PPP1R9A: variants seen among roughly 807,000 people sequenced by gnomAD.
The protein encoded by PPP1R9A is protein phosphatase 1 regulatory subunit 9A.
Under a neutral mutation model 141.9 loss-of-function variants are expected in PPP1R9A, and 59 were observed. The observed-to-expected ratio is 0.42, with a 90% CI of 0.34 to 0.52. The LOEUF (loss-of-function observed/expected upper bound fraction) is 0.52, where lower values mean the gene tolerates loss of function less well. Among genes scored for constraint, PPP1R9A ranks in the 20% least tolerant of loss-of-function variants. The pLI is 0.10. For synonymous variants in PPP1R9A, 500 were observed against 569.7 expected (o/e 0.88, Z 1.74); for missense variants, 1,444 against 1,611.9 (o/e 0.90, Z 1.78).
chr7:94,966,333 G>T (rs1158235557), intron 2 of PPP1R9A, among the ~76,000 whole-genome samples: 1 of 151,718 alleles, frequency 6.6e-6, no homozygotes, highest in African/African-American at 2.4e-5. Flanking sequence ...TTCTGCCCTG[G>T]CCAGAACTTC....
At chr7:95,269,159 A>T (rs936961953) in intron 13 of PPP1R9A, 48 bp from the exon 14 acceptor site, 2 of 1,466,404 alleles carry the variant, frequency 1.4e-6, no homozygotes, top group African/African-American at 2.8e-5. Flanking sequence ...ATTGCATAGA[A>T]CTGATACTCA....
chr7:95,073,253 T>C (rs1203366147), intron 2 of PPP1R9A, among the ~76,000 whole-genome samples: 1 of 151,834 alleles, frequency 6.6e-6, no homozygotes, highest in African/African-American at 2.4e-5. Flanking sequence ...CTCAAAGTGG[T>C]GAGATTACAG....
intron 2 of PPP1R9A, among the ~76,000 whole-genome samples, chr7:95,069,965 C>T (rs1421331478): frequency 1.3e-5 from 2 of 152,142 alleles, no homozygotes; most frequent in African/African-American, 4.8e-5. Flanking sequence ...CTGATCTCTT[C>T]TTACTCTTTG....
intron 2 of PPP1R9A, among the ~76,000 whole-genome samples, chr7:95,009,521 G>C (rs956312507): frequency 4.6e-5 from 7 of 152,122 alleles, no homozygotes; most frequent in African/African-American, 1.7e-4. Context: ...ACCCATCAGA[G>C]ATGCATCCTG....
intron 5 of PPP1R9A, among the ~76,000 whole-genome samples, chr7:95,177,105 G>C (rs1199664507): frequency 6.6e-6 from 1 of 152,118 alleles, no homozygotes; most frequent in Non-Finnish European, 1.5e-5. Context: ...AGAATCTTAA[G>C]AGCTGTGAGA....
chr7:95,260,851 GATC>G (rs1407133833), intron 12 of PPP1R9A, among the ~76,000 whole-genome samples: 2 of 152,086 alleles, frequency 1.3e-5, no homozygotes, highest in Admixed American at 1.3e-4. Flanking sequence ...TATAAGTAAA[GATC>G]ATTTTAACCC....
chr7:95,046,055 A>G (rs1317507076), intron 2 of PPP1R9A, among the ~76,000 whole-genome samples: 1 of 151,492 alleles, frequency 6.6e-6, no homozygotes, highest in Non-Finnish European at 1.5e-5. Flanking sequence ...GTTGAGTATC[A>G]TTAAGATTAG....
chr7:95,268,235 C>T (rs1801605253), intron 12 of PPP1R9A, among the ~76,000 whole-genome samples: 1 of 152,060 alleles, frequency 6.6e-6, no homozygotes, highest in Non-Finnish European at 1.5e-5. Flanking sequence ...TCTAACTTCC[C>T]AACATGCATA....
intron 2 of PPP1R9A, among the ~76,000 whole-genome samples, chr7:95,047,490 C>T (rs1032291743): frequency 3.9e-5 from 6 of 152,150 alleles, no homozygotes; most frequent in African/African-American, 1.4e-4. Context: ...TGTTTATTCA[C>T]AGTAAAGAAT....
At chr7:95,010,639 A>G (rs1370343918) in intron 2 of PPP1R9A, among the ~76,000 whole-genome samples, 2 of 152,150 alleles carry the variant, frequency 1.3e-5, no homozygotes, top group African/African-American at 4.8e-5. Context: ...TGTTAGCAAG[A>G]TGGAGTAGTC....
At chr7:94,938,395 T>C (rs1794990902) in intron 2 of PPP1R9A, among the ~76,000 whole-genome samples, 1 of 152,148 alleles carries the variant, frequency 6.6e-6, no homozygotes, top group Non-Finnish European at 1.5e-5. Flanking sequence ...TTCAGAGATT[T>C]TGGACAATTA....
rs560892622 is a variant in PPP1R9A at position 95,007,853 on chromosome 7, C to G, written c.1395+96345C>G. Among the ~76,000 whole-genome samples, 6 of 152,298 alleles carry G rather than the reference C, an allele frequency of 3.9e-5. No individual in the cohort carries two copies. The South Asian group carries it at 1.2e-3, about 32-fold the overall frequency. On this transcript the variant is annotated intron_variant, in intron 2 of 19. Coordinates refer to ENST00000433360, the MANE Select transcript of PPP1R9A (RefSeq NM_001166160.2). The stretch of plus-strand genomic sequence containing the variant: ...TTGGGAGGCCGAGGCGGGCGGATCA[C>G]CTGAGGTCAGGAGCTCGAGACCAAC...
intron 8 of PPP1R9A, among the ~76,000 whole-genome samples, chr7:95,229,505 A>T (rs887180612): frequency 6.6e-6 from 1 of 151,626 alleles, no homozygotes; most frequent in African/African-American, 2.4e-5. Flanking sequence ...GCTTTCCCCC[A>T]CTTCCCTGGT....
At chr7:94,928,437 G>T (rs1477734614) in intron 2 of PPP1R9A, among the ~76,000 whole-genome samples, 1 of 152,108 alleles carries the variant, frequency 6.6e-6, no homozygotes, top group East Asian at 1.9e-4. Context: ...AGATCCATTG[G>T]TCCCCCATTT....
In PPP1R9A at chr7:94,910,048, G is replaced by C; in HGVS notation, c.-66G>C. On this transcript the variant is annotated 5_prime_UTR_variant, in exon 2 of 20. Coordinates refer to ENST00000433360, the MANE Select transcript of PPP1R9A (RefSeq NM_001166160.2). This position sits in a 1 kb window ranked among gnomAD's most constrained non-coding sequence, Gnocchi z 4.5. ...CAATACTGGTGATTAGAGAAGAGAG[G>C]TATCTTGGTTTTTGGTTTTTTTCTT... The C allele has an allele frequency of 1.5e-6, 2 of 1,362,456 alleles. No individual in the cohort carries two copies. Among genetic ancestry groups the C allele is most frequent in the East Asian group, 2.3e-5 (1 of 43,556 alleles). The allele number at this position is 1,362,456 out of a possible 1,614,324, so 84.4% of individuals were successfully genotyped here.
At chr7:95,005,083 C>G (rs1477082188) in intron 2 of PPP1R9A, among the ~76,000 whole-genome samples, 2 of 152,108 alleles carry the variant, frequency 1.3e-5, no homozygotes, top group East Asian at 3.8e-4. Context: ...GGTTGGGTGC[C>G]AGGCTGCTAG....
intron 8 of PPP1R9A, among the ~76,000 whole-genome samples, chr7:95,237,580 G>C (rs1231335533): frequency 6.6e-6 from 1 of 151,736 alleles, no homozygotes; most frequent in Admixed American, 6.6e-5. Context: ...TTGTCTATTT[G>C]ATCTACCAAA....
intron 2 of PPP1R9A, among the ~76,000 whole-genome samples, chr7:94,939,980 A>G (rs1231776757): frequency 6.6e-6 from 1 of 151,976 alleles, no homozygotes; most frequent in Admixed American, 6.6e-5. Context: ...TATGTCATTC[A>G]CTTCTATGAC....
At chr7:95,134,933 G>T (rs572760404) in intron 4 of PPP1R9A, among the ~76,000 whole-genome samples, 32 of 152,098 alleles carry the variant, frequency 2.1e-4, no homozygotes, top group Non-Finnish European at 4.1e-4. Flanking sequence ...TTAAAAAACA[G>T]TATTATACGT....
Sources: gnomAD v4.1 joint callset for allele counts (sites outside exome capture counted in the v4.1 genomes callset) on GRCh38, gnomAD v4.1.1 for gene constraint, Gnocchi (gnomAD v3.1) non-coding constraint, MANE v1.5 for transcripts, NCBI Gene and HGNC (gene_info 2026-07-23, HGNC 2026-07-21) for gene names.